BCKDK: variants seen among roughly 807,000 people sequenced by gnomAD.
The protein encoded by BCKDK is branched chain keto acid dehydrogenase kinase, also known as branched-chain alpha-ketoacid dehydrogenase kinase.
Under a neutral mutation model 43.9 loss-of-function variants are expected in BCKDK, and 28 were observed. That is an observed-to-expected ratio of 0.64 (90% CI 0.47 to 0.87). The LOEUF (loss-of-function observed/expected upper bound fraction) is 0.87, where lower values mean the gene tolerates loss of function less well. Among genes scored for constraint, BCKDK ranks in the 40% least tolerant of loss-of-function variants. The pLI is 0.00. For synonymous variants in BCKDK, 257 were observed against 234.3 expected (o/e 1.10, Z -0.88); for missense variants, 483 against 581.4 (o/e 0.83, Z 1.74).
chr16:31,112,202 T>C lies in BCKDK; in HGVS notation c.1176T>C (p.Ile392=), dbSNP rs760283230. Residue 392 remains isoleucine (I), a synonymous_variant, in exon 12 of 12, where the codon ATT becomes ATC. Coordinates refer to ENST00000219794, the MANE Select transcript of BCKDK (RefSeq NM_005881.4). This position sits in a 1 kb window ranked among gnomAD's most constrained non-coding sequence, Gnocchi z 5.0. ...TGCAGCTGCAGTCCCTGCAGGGCAT[T>C]GGCACGGACGTCTACCTGCGGCTCC... ...GSLQLQSLQG[I]GTDVYLRLRH... The C allele has an allele frequency of 6.2e-7, 1 of 1,612,608 alleles. No homozygotes were observed. Among genetic ancestry groups the C allele is most frequent in the Non-Finnish European group, 8.5e-7 (1 of 1,180,014 alleles).
At chr16:31,111,470 G>C in intron 10 of BCKDK, 81 bp downstream of exon 10, 1 of 1,428,772 alleles carries the variant, frequency 7.0e-7, no homozygotes, top group African/African-American at 1.4e-5. Context: ...AGGACCTTGA[G>C]CCCCTTCCTG....
Position 31,110,269 on chromosome 16 carries a change from AG to A in BCKDK, c.490del (p.Asp164MetfsTer3). The part of the protein sequence containing the change: ...QLVRQLLDDH[K>X]DVVTLLAEGL... ...GTGCGACAGCTGCTGGATGACCACA[AG>A]GATGTGGTGACCCTCTTGGCAGAGG... On this transcript the variant is annotated frameshift_variant, in exon 6 of 12. Coordinates refer to ENST00000219794, the MANE Select transcript of BCKDK (RefSeq NM_005881.4). LOFTEE classifies it high-confidence loss of function. The surrounding 1 kb of genome is among the most constrained non-coding windows in gnomAD (Gnocchi z 5.4). 6.2e-7 allele frequency: 1 copy of A among 1,614,130 alleles called. No homozygotes were observed. The highest frequency in any genetic ancestry group is 8.5e-7 in the Non-Finnish European group (1 of 1,180,020).
chr16:31,113,378 C>T (rs1188322131), downstream of BCKDK, among the ~76,000 whole-genome samples: 6 of 152,186 alleles, frequency 3.9e-5, no homozygotes, highest in African/African-American at 1.2e-4. Flanking sequence ...TGAAAAATCC[C>T]GCCAGCTGCA....
At chr16:31,113,609 T>C (rs2057429863), downstream of BCKDK, among the ~76,000 whole-genome samples, 1 of 152,196 alleles carries the variant, frequency 6.6e-6, no homozygotes, top group African/African-American at 2.4e-5. Context: ...TCTGAGTAGC[T>C]TGGACCATCA....
At chr16:31,114,915 TCCTC>T (rs2057437880), downstream of BCKDK, among the ~76,000 whole-genome samples, 1 of 152,110 alleles carries the variant, frequency 6.6e-6, no homozygotes, top group Non-Finnish European at 1.5e-5. Flanking sequence ...TTTCCTCCCT[TCCTC>T]CCTCTTTTTT....
Position 31,112,011 on chromosome 16 carries a change from T to TG in BCKDK, c.1078_1079insG (p.Ser360CysfsTer153). 6.2e-7 allele frequency: 1 copy of TG among 1,614,004 alleles called. No individual in the cohort carries two copies. Among genetic ancestry groups the TG allele is most frequent in the Non-Finnish European group, 8.5e-7 (1 of 1,179,996 alleles). Reference sequence around the variant, plus strand: ...TCTGGACATGCATAGTGGCGCCCAGTCAGGACCCATGCACGGGTGAGACCC... The same window carrying TG: ...TCTGGACATGCATAGTGGCGCCCAGTGCAGGACCCATGCACGGGTGAGACCC... On this transcript the variant is annotated frameshift_variant, in exon 11 of 12. Transcript: ENST00000219794. LOFTEE classifies it high-confidence loss of function. The surrounding 1 kb of genome is among the most constrained non-coding windows in gnomAD (Gnocchi z 5.0).
In BCKDK at chr16:31,111,349, G is replaced by A; in HGVS notation, c.895G>A (p.Val299Ile). The change falls in exon 10 of 12, where the codon GTC (valine) becomes ATC (isoleucine). Residue 299 changes from valine (V) to isoleucine (I), a missense_variant. Coordinates refer to ENST00000219794, the MANE Select transcript of BCKDK (RefSeq NM_005881.4). Reference sequence around the variant, plus strand: ...CACTCCCTACAATGTCCCAGATGTGGTCATCACCATCGCCAACAATGATGT... The same window carrying A: ...CACTCCCTACAATGTCCCAGATGTGATCATCACCATCGCCAACAATGATGT... ...LDTPYNVPDV[V>I]ITIANNDVDL... 2 of 1,614,162 alleles carry A rather than the reference G, an allele frequency of 1.2e-6. No individual in the cohort carries two copies. The highest frequency in any genetic ancestry group is 1.7e-5 in the Admixed American group (1 of 60,008).
rs763326014 is a variant in BCKDK at position 31,111,163 on chromosome 16, C to T, written c.789C>T (p.Pro263=). Residue 263 remains proline, a synonymous_variant, in exon 9 of 12, where the codon CCC becomes CCT. Transcript: ENST00000219794. The part of the protein sequence containing the change: ...RINGHVAARF[P]FIPMPLDYIL... The stretch of plus-strand genomic sequence containing the variant: ...ATGGCCATGTGGCTGCCCGGTTCCC[C>T]TTCATCCCTATGCCACTGGACTACA... 1 of 1,614,178 alleles carries T rather than the reference C, an allele frequency of 6.2e-7. No individual in the cohort carries two copies. Among genetic ancestry groups the T allele is most frequent in the Non-Finnish European group, 8.5e-7 (1 of 1,180,014 alleles).
chr16:31,109,923 A>G lies in BCKDK; in HGVS notation c.375+140A>G, dbSNP rs1368603472. The G allele has an allele frequency of 2.2e-6, 3 of 1,368,072 alleles. No individual in the cohort carries two copies. Among genetic ancestry groups the G allele is most frequent in the Non-Finnish European group, 3.1e-6 (3 of 967,682 alleles). 84.7% of individuals were successfully genotyped at this position (1,368,072 alleles called of 1,614,324 possible). On this transcript the variant is annotated intron_variant, in intron 4 of 11. Transcript: ENST00000219794. This position sits in a 1 kb window ranked among gnomAD's most constrained non-coding sequence, Gnocchi z 5.3. ...ATTCAACCCCAGGCCTTCAGAAGCC[A>G]AAGGTGTGTATTCACGGAGCCTGGA...
chr16:31,117,557 C>A, downstream of BCKDK: 1 of 754,300 alleles, frequency 1.3e-6, no homozygotes. Context: ...GCCACAGAAG[C>A]CAATCGGCTC....
downstream of BCKDK, among the ~76,000 whole-genome samples, chr16:31,114,192 T>C (rs75423798): frequency 0.011 from 1,675 of 151,898 alleles, 42 homozygotes; most frequent in African/African-American, 0.038. Flanking sequence ...TGTTTTTTTG[T>C]TTGTTTTGTT....
chr16:31,109,934 T>C lies in BCKDK; in HGVS notation c.376-143T>C. On this transcript the variant is annotated intron_variant, in intron 4 of 11. Transcript: ENST00000219794. The surrounding 1 kb of genome is among the most constrained non-coding windows in gnomAD (Gnocchi z 5.3). ...GGCCTTCAGAAGCCAAAGGTGTGTA[T>C]TCACGGAGCCTGGAAGGGTCGAAGT... 14 of 1,389,470 alleles carry C rather than the reference T, an allele frequency of 1.0e-5. No individual in the cohort carries two copies. The highest frequency in any genetic ancestry group is 1.4e-5 in the Non-Finnish European group (14 of 985,592). The allele number at this position is 1,389,470 out of a possible 1,614,324, so 86.1% of individuals were successfully genotyped here.
At chr16:31,113,514 C>T (rs1294382028), downstream of BCKDK, among the ~76,000 whole-genome samples, 1 of 152,164 alleles carries the variant, frequency 6.6e-6, no homozygotes, top group Non-Finnish European at 1.5e-5. Context: ...GGGTCTTGCT[C>T]TGTTGCCCAG....
At position 31,109,456 on chromosome 16, in the gene BCKDK, A is replaced by G. The variant is rs2057391837; in HGVS notation, c.195+38A>G. Reference sequence around the variant, plus strand: ...GCAGCCAGCCCAGGGTCCGGGATGTAGGCGGGAGGGAGAGTGTTGGGGGTT... The same window carrying G: ...GCAGCCAGCCCAGGGTCCGGGATGTGGGCGGGAGGGAGAGTGTTGGGGGTT... On this transcript the variant is annotated intron_variant, in intron 2 of 11. Coordinates refer to ENST00000219794, the MANE Select transcript of BCKDK (RefSeq NM_005881.4). This position sits in a 1 kb window ranked among gnomAD's most constrained non-coding sequence, Gnocchi z 5.3. 6.2e-7 allele frequency: 1 copy of G among 1,613,244 alleles called. No individual in the cohort carries two copies. The highest frequency in any genetic ancestry group is 1.1e-5 in the South Asian group (1 of 91,006).
Position 31,110,313 on chromosome 16 carries a change from A to C in BCKDK, c.532A>C (p.Lys178Gln), listed in dbSNP as rs767312567. The C allele has an allele frequency of 6.2e-7, 1 of 1,614,016 alleles. No individual in the cohort carries two copies. Among genetic ancestry groups the C allele is most frequent in the Non-Finnish European group, 8.5e-7 (1 of 1,179,944 alleles). Residue 178 changes from lysine to glutamine, a missense_variant, in exon 6 of 12, where the codon AAG becomes CAG. Transcript: ENST00000219794. The surrounding 1 kb of genome is among the most constrained non-coding windows in gnomAD (Gnocchi z 5.4). ...LLAEGLRESR[K>Q]HIEDEKLVRY... is the part of the protein sequence containing the mutation. ...GGCAGAGGGCCTACGTGAGAGCCGG[A>C]AGCACATAGAGGTTGGGGCAGCAAA...
chr16:31,110,632 G>C lies in BCKDK; in HGVS notation c.643-56G>C. The C allele has an allele frequency of 6.2e-7, 1 of 1,601,838 alleles. No homozygotes were observed. Among genetic ancestry groups the C allele is most frequent in the Non-Finnish European group, 8.6e-7 (1 of 1,169,062 alleles). ...CTTTGGGGCAGTTCCGAAGTTGCCA[G>C]CATCTTGGGGTGGGGCTAGGGGCGT... is the stretch of plus-strand genomic sequence containing the variant. On this transcript the variant is annotated intron_variant, in intron 7 of 11. Coordinates refer to ENST00000219794, the MANE Select transcript of BCKDK (RefSeq NM_005881.4). This position sits in a 1 kb window ranked among gnomAD's most constrained non-coding sequence, Gnocchi z 5.4.
rs1273743876 is a variant in BCKDK at position 31,110,122 on chromosome 16, C to G, written c.421C>G (p.Pro141Ala). ...CTTCCAGAAGCTGACAGACTTCCCT[C>G]CGGTGAGTGCTGGGCCAGAGCAGGG... ...RAFQKLTDFP[P>A]IKDQADEAQY... Residue 141 changes from proline (P) to alanine (A), a missense_variant and splice_region_variant, in exon 5 of 12, where the codon CCG becomes GCG. Transcript: ENST00000219794. The surrounding 1 kb of genome is among the most constrained non-coding windows in gnomAD (Gnocchi z 5.4). The G allele has an allele frequency of 6.2e-7, 1 of 1,614,066 alleles. No homozygotes were observed. The highest frequency in any genetic ancestry group is 1.3e-5 in the African/African-American group (1 of 74,914).
rs1392663833 is a variant in BCKDK, at chr16:31,112,156, C to T, written c.1130C>T (p.Ala377Val). ...GGGTTGCCCACGTCACGGGCCTACGCGGAGTACCTCGGTGGGTCTCTGCAG... is the reference window on the plus strand; with the variant it reads ...GGGTTGCCCACGTCACGGGCCTACGTGGAGTACCTCGGTGGGTCTCTGCAG... ...GFGLPTSRAYAEYLGGSLQLQ... is the reference protein window; with the variant it reads ...GFGLPTSRAYVEYLGGSLQLQ... Residue 377 changes from alanine to valine, a missense_variant, in exon 12 of 12, where the codon GCG (alanine) becomes GTG (valine). Transcript: ENST00000219794. This position sits in a 1 kb window ranked among gnomAD's most constrained non-coding sequence, Gnocchi z 5.0. The T allele has an allele frequency of 2.5e-6, 4 of 1,613,534 alleles. No homozygotes were observed. The highest frequency in any genetic ancestry group is 3.4e-6 in the Non-Finnish European group (4 of 1,179,926).
In BCKDK at chr16:31,109,849, C is replaced by T. The variant is rs1819437710; in HGVS notation, c.375+66C>T. On this transcript the variant is annotated intron_variant, in intron 4 of 11. Transcript: ENST00000219794. The surrounding 1 kb of genome is among the most constrained non-coding windows in gnomAD (Gnocchi z 5.3). ...CCGGGGGCAAGTGGGGAGTCTGGGG[C>T]CCAGAGTGGCAGACGATTGCTTGCC... is the stretch of plus-strand genomic sequence containing the variant. The T allele has an allele frequency of 6.5e-7, 1 of 1,533,622 alleles. No individual in the cohort carries two copies. Among genetic ancestry groups the T allele is most frequent in the African/African-American group, 1.4e-5 (1 of 73,358 alleles).
Sources: gnomAD v4.1 joint callset for allele counts (sites outside exome capture counted in the v4.1 genomes callset) on GRCh38, gnomAD v4.1.1 for gene constraint, Gnocchi (gnomAD v3.1) non-coding constraint, MANE v1.5 for transcripts, NCBI Gene and HGNC (gene_info 2026-07-23, HGNC 2026-07-21) for gene names.